The following NMD3 variants were observed in gnomAD, a reference collection of about 807,000 sequenced individuals.
NMD3 encodes 60S ribosomal export protein NMD3.
NMD3 carries 47 observed loss-of-function variants against 73.1 expected under a neutral mutation model. That is an observed-to-expected ratio of 0.64 (90% confidence interval 0.51 to 0.82). The LOEUF (loss-of-function observed/expected upper bound fraction) is 0.82. Ranked by LOEUF, NMD3 falls within the 40% of genes least tolerant of loss-of-function variation. NMD3 has a pLI of 0.00. For missense variants in NMD3, 554 were observed against 612.5 expected (o/e 0.90, Z 1.01); for synonymous variants, 210 against 194.5 (o/e 1.08, Z -0.66).
rs1736677069 is a variant in NMD3, at chr3:161,234,711, G to A, written c.358-16G>A. The A allele has an allele frequency of 1.3e-6, 2 of 1,592,160 alleles. No individual in the cohort carries two copies. The highest frequency in any genetic ancestry group is 1.7e-5 in the Admixed American group (1 of 59,398). On this transcript the variant is annotated splice_polypyrimidine_tract_variant and intron_variant, in intron 5 of 15. Coordinates refer to ENST00000351193, the MANE Select transcript of NMD3 (RefSeq NM_015938.5). ...AACAAAACCAAAAGAATGAAGGAGTGTAATTGTTTTATCAGGTGATGAATG... is the reference window on the plus strand; with the variant it reads ...AACAAAACCAAAAGAATGAAGGAGTATAATTGTTTTATCAGGTGATGAATG...
In NMD3 at chr3:161,251,137, C is replaced by A; in HGVS notation, c.*227C>A. ...GAATGTAGTTGTTATTGATTTTTGG[C>A]AATTTTACATTTGGAATTTTATCAC... On this transcript the variant is annotated 3_prime_UTR_variant, in exon 16 of 16. Coordinates refer to ENST00000351193, the MANE Select transcript of NMD3 (RefSeq NM_015938.5). 1 of 340,546 alleles carries A rather than the reference C, an allele frequency of 2.9e-6. No individual in the cohort carries two copies. The highest frequency in any genetic ancestry group is 5.4e-6 in the Non-Finnish European group (1 of 186,642). 21.1% of individuals were successfully genotyped at this position (340,546 alleles called of 1,614,324 possible).
intron 7 of NMD3, among the ~76,000 whole-genome samples, chr3:161,235,946 C>CA (rs1404359993): frequency 6.6e-6 from 1 of 151,876 alleles, no homozygotes; most frequent in Non-Finnish European, 1.5e-5. Flanking sequence ...TTAGTTTTTT[C>CA]AAAAAACTAT....
chr3:161,230,255 C>T (rs1488525398), intron 4 of NMD3, among the ~76,000 whole-genome samples: 1 of 152,140 alleles, frequency 6.6e-6, no homozygotes, highest in East Asian at 1.9e-4. Context: ...TGCACCACCA[C>T]ACCTGGCTGA....
At chr3:161,252,662 G>A, downstream of NMD3, 1 of 518,448 alleles carries the variant, frequency 1.9e-6, no homozygotes. Flanking sequence ...ATATCCCAAA[G>A]TTGTTATGGC....
chr3:161,224,787 G>A, intron 2 of NMD3, 143 bp from the exon 3 acceptor site: 1 of 750,182 alleles, frequency 1.3e-6, no homozygotes, highest in Non-Finnish European at 2.1e-6. Flanking sequence ...GGCTGGCCCA[G>A]GTTGCTTTGT....
intron 10 of NMD3, 132 bp downstream of exon 10, chr3:161,241,295 T>A: frequency 1.7e-6 from 1 of 600,262 alleles, no homozygotes; most frequent in Non-Finnish European, 2.9e-6. Flanking sequence ...TGCTATTGTT[T>A]AATACAAAAC....
In NMD3 at chr3:161,242,613, A is replaced by T. The variant is rs151052356; in HGVS notation, c.977A>T (p.Asp326Val). 429 of 1,613,522 alleles carry T rather than the reference A, an allele frequency of 2.7e-4. 1 individual carries two copies. Among genetic ancestry groups the T allele is most frequent in the South Asian group, 7.7e-4 (70 of 90,996 alleles). The change falls in exon 11 of 16, where the codon GAT becomes GTT. Residue 326 changes from aspartate to valine, a missense_variant. Asp to Val is a radical substitution (Grantham distance 152). Transcript: ENST00000351193. ...FIVMECSIVQ[D>V]IKRAAGAGMI... ...GTGATGGAATGCAGCATAGTCCAAG[A>T]TATAAAACGTGCTGCAGGTGCTGGA...
intron 3 of NMD3, among the ~76,000 whole-genome samples, chr3:161,226,210 TGAG>T (rs1044270685): frequency 4.8e-4 from 73 of 152,150 alleles, no homozygotes; most frequent in African/African-American, 1.6e-3. Context: ...TCCAAGCACT[TGAG>T]GAGGCTGAGG....
intron 4 of NMD3, among the ~76,000 whole-genome samples, chr3:161,227,966 A>C (rs1230216209): frequency 6.6e-6 from 1 of 152,142 alleles, no homozygotes; most frequent in Non-Finnish European, 1.5e-5. Context: ...TGGGATTATA[A>C]TATTAGGGCT....
chr3:161,245,841 T>A, intron 11 of NMD3, among the ~76,000 whole-genome samples: 1 of 152,188 alleles, frequency 6.6e-6, no homozygotes. Flanking sequence ...CTTTAAAAAT[T>A]AATTTGATAA....
At chr3:161,234,628 G>A in intron 5 of NMD3, 99 bp from the exon 6 acceptor site, 1 of 1,029,962 alleles carries the variant, frequency 9.7e-7, no homozygotes. Flanking sequence ...AAGCATTAAT[G>A]GAAAAAGTTT....
chr3:161,250,417 A>G (rs536262338), intron 15 of NMD3, 91 bp downstream of exon 15: 4 of 741,224 alleles, frequency 5.4e-6, no homozygotes, highest in East Asian at 2.7e-5. Context: ...TTTGATTCTC[A>G]TAAATGTCTT....
At chr3:161,247,410 C>T (rs1238716108) in intron 13 of NMD3, 80 bp downstream of exon 13, 4 of 754,390 alleles carry the variant, frequency 5.3e-6, no homozygotes, top group Admixed American at 2.5e-5. Context: ...TAGGAGTTCA[C>T]ACTTTTGAAA....
intron 5 of NMD3, 89 bp downstream of exon 5, chr3:161,233,568 C>A: frequency 2.9e-6 from 2 of 686,640 alleles, no homozygotes; most frequent in South Asian, 2.4e-5. Flanking sequence ...GCTTGAACAG[C>A]TTAAAAGAAA....
intron 4 of NMD3, among the ~76,000 whole-genome samples, chr3:161,233,040 AC>A (rs1736600049): frequency 6.6e-6 from 1 of 152,204 alleles, no homozygotes; most frequent in South Asian, 2.1e-4. Context: ...TCATGAGGTT[AC>A]TAATAAATAA....
intron 1 of NMD3, 50 bp from the exon 2 acceptor site, chr3:161,221,944 A>AATTCCAAC: frequency 1.9e-6 from 2 of 1,075,266 alleles, no homozygotes; most frequent in Middle Eastern, 2.5e-4. Context: ...AAGTGATTTA[A>AATTCCAAC]ATCCCAACAT....
rs779379590 is a variant in NMD3 at position 161,250,937 on chromosome 3, A to G, written c.*27A>G. The G allele has an allele frequency of 2.5e-6, 4 of 1,598,280 alleles. No homozygotes were observed. Among genetic ancestry groups the G allele is most frequent in the South Asian group, 1.1e-5 (1 of 89,490 alleles). On this transcript the variant is annotated 3_prime_UTR_variant, in exon 16 of 16. Coordinates refer to ENST00000351193, the MANE Select transcript of NMD3 (RefSeq NM_015938.5). Reference sequence around the variant, plus strand: ...GAGATGTTGTAGACTGTTTCCATACATGGGCTTAAGAAGTTGGACAGAGTT... The same window carrying G: ...GAGATGTTGTAGACTGTTTCCATACGTGGGCTTAAGAAGTTGGACAGAGTT...
At chr3:161,238,994 T>G in intron 9 of NMD3, among the ~76,000 whole-genome samples, 168 bp downstream of exon 9, 1 of 152,270 alleles carries the variant, frequency 6.6e-6, no homozygotes, top group South Asian at 2.1e-4. Flanking sequence ...TATATATTTT[T>G]AAAAAAGTCA....
intron 4 of NMD3, among the ~76,000 whole-genome samples, chr3:161,229,229 G>A (rs1736443302): frequency 6.6e-6 from 1 of 152,218 alleles, no homozygotes; most frequent in Non-Finnish European, 1.5e-5. Flanking sequence ...GAAGGGCAGA[G>A]TAGTGAGATG....
Sources: allele counts gnomAD v4.1 joint callset (sites outside exome capture counted in the v4.1 genomes callset), GRCh38; gene constraint gnomAD v4.1.1; transcripts MANE v1.5; gene names NCBI Gene and HGNC (gene_info 2026-07-23, HGNC 2026-07-21).